Variants in KALRN observed in about 807,000 individuals in gnomAD.
KALRN encodes kalirin.
Under a neutral mutation model 353.7 loss-of-function variants are expected in KALRN, and 70 were observed. That is an observed-to-expected ratio of 0.20 (90% CI 0.16 to 0.24). The LOEUF (loss-of-function observed/expected upper bound fraction) is 0.24, where lower values mean the gene tolerates loss of function less well. KALRN is among the 10% of genes least tolerant of loss of function. The pLI is 1.00. For synonymous variants in KALRN, 1,391 were observed against 1,434.8 expected, an observed-to-expected ratio of 0.97 and a Z score of 0.69; for missense variants, 2,791 against 3,756.7, an observed-to-expected ratio of 0.74 and a Z score of 6.72.
At chr3:124,223,613 A>G (rs1034132453) in intron 1 of KALRN, among the ~76,000 whole-genome samples, 1 of 152,232 alleles carries the variant, frequency 6.6e-6, no homozygotes, top group Non-Finnish European at 1.5e-5. Context: ...AATGCTCTAT[A>G]AACGCCCACT....
intron 12 of KALRN, among the ~76,000 whole-genome samples, chr3:124,397,404 C>T (rs1235233705): frequency 1.3e-5 from 2 of 152,168 alleles, no homozygotes; most frequent in Non-Finnish European, 2.9e-5. Flanking sequence ...ACAGAATGAA[C>T]TCAAATACCA....
At chr3:124,216,359 C>T (rs1399607758) in intron 1 of KALRN, among the ~76,000 whole-genome samples, 1 of 152,182 alleles carries the variant, frequency 6.6e-6, no homozygotes, top group African/African-American at 2.4e-5. Flanking sequence ...TGTAGACTCT[C>T]ACTATGACTG....
intron 25 of KALRN, among the ~76,000 whole-genome samples, chr3:124,466,978 CA>C (rs1199140860): frequency 6.6e-6 from 1 of 152,236 alleles, no homozygotes; most frequent in Non-Finnish European, 1.5e-5. Flanking sequence ...TGAAATAAAT[CA>C]GTTTTCAGCA....
chr3:124,511,813 C>A (rs1224647548), intron 33 of KALRN, among the ~76,000 whole-genome samples: 1 of 152,254 alleles, frequency 6.6e-6, no homozygotes, highest in Non-Finnish European at 1.5e-5. Context: ...AGGTACATTT[C>A]TGACCTCAGG....
At chr3:124,626,911 A>C (rs2149757300) in intron 34 of KALRN, among the ~76,000 whole-genome samples, 1 of 152,354 alleles carries the variant, frequency 6.6e-6, no homozygotes, top group Middle Eastern at 3.4e-3. Context: ...AGTTTCCTAA[A>C]ACAGTCTCAT....
At chr3:124,590,860 A>G (rs2075700649) in intron 34 of KALRN, among the ~76,000 whole-genome samples, 1 of 151,996 alleles carries the variant, frequency 6.6e-6, no homozygotes, top group Admixed American at 6.6e-5. Context: ...AATTCCTCCT[A>G]CTCCTTTTAT....
chr3:124,346,959 G>A (rs2082317991), intron 9 of KALRN, among the ~76,000 whole-genome samples, 184 bp from the exon 10 acceptor site: 2 of 152,182 alleles, frequency 1.3e-5, no homozygotes, highest in African/African-American at 4.8e-5. Flanking sequence ...GTGGGACTAT[G>A]ATATTGCCAA....
chr3:124,398,930 G>A (rs2090509155), intron 13 of KALRN, 59 bp downstream of exon 13: 2 of 1,530,266 alleles, frequency 1.3e-6, no homozygotes, highest in Non-Finnish European at 1.8e-6. Context: ...CTGGCCAAGG[G>A]CACTGCCCCA....
rs147226035 is a variant in KALRN at position 124,106,813 on chromosome 3, A to G, written c.73+73000A>G. Among the ~76,000 whole-genome samples the G allele has an allele frequency of 2.0e-5, 3 of 151,580 alleles. No individual in the cohort carries two copies. The East Asian group carries it at 5.8e-4, about 30-fold the overall frequency. On this transcript the variant is annotated intron_variant, in intron 1 of 59. Coordinates refer to ENST00000682506, the MANE Select transcript of KALRN (RefSeq NM_001388419.1). ...CTTTCCATTATATTCCCCGATATATACCCCTTTACTGTGCTCAGTAGCCTT... is the reference window on the plus strand; with the variant it reads ...CTTTCCATTATATTCCCCGATATATGCCCCTTTACTGTGCTCAGTAGCCTT...
Position 124,700,039 on chromosome 3 carries a change from TCCCAG to T in KALRN, c.7996+15_7996+19del. On this transcript the variant is annotated splice_region_variant and intron_variant, in intron 56 of 59. Transcript: ENST00000682506. The stretch of plus-strand genomic sequence containing the variant: ...TGTGCGACTTCCAGAATATGGTGAG[TCCCAG>T]CCCAGCCCTGGCCCCCCAGGCAGTG... The T allele has an allele frequency of 6.2e-7, 1 of 1,613,470 alleles. No individual in the cohort carries two copies. Among genetic ancestry groups the T allele is most frequent in the Non-Finnish European group, 8.5e-7 (1 of 1,179,860 alleles).
Position 124,446,285 on chromosome 3 carries a change from A to G in KALRN, c.3429+9A>G, listed in dbSNP as rs760279935. ...AGCGCAGCGCTAAGCAGGTTGTCCA[A>G]AGCTTTCCCTGGCACTATCTCAGTT... On this transcript the variant is annotated intron_variant, in intron 20 of 59. Coordinates refer to ENST00000682506, the MANE Select transcript of KALRN (RefSeq NM_001388419.1). 24 of 1,599,282 alleles carry G rather than the reference A, an allele frequency of 1.5e-5. No individual in the cohort carries two copies. Among genetic ancestry groups the G allele is most frequent in the Non-Finnish European group, 2.0e-5 (23 of 1,167,404 alleles).
At chr3:124,122,147 A>G (rs2064098195) in intron 1 of KALRN, among the ~76,000 whole-genome samples, 1 of 152,176 alleles carries the variant, frequency 6.6e-6, no homozygotes, top group South Asian at 2.1e-4. Context: ...CTAAAGAGAA[A>G]GAGAAAAAAT....
intron 1 of KALRN, among the ~76,000 whole-genome samples, chr3:124,121,078 A>C (rs2063963742): frequency 8.4e-6 from 1 of 119,060 alleles, no homozygotes; most frequent in African/African-American, 3.1e-5. Context: ...TGGGCAACAG[A>C]GTGAGACTCC....
At chr3:124,268,638 TG>T in intron 4 of KALRN, 104 bp from the exon 5 acceptor site, 1 of 1,201,110 alleles carries the variant, frequency 8.3e-7, no homozygotes, top group Non-Finnish European at 1.2e-6. Flanking sequence ...AGGCAGGCTG[TG>T]GTCATTATTA....
intron 1 of KALRN, chr3:124,152,451 G>A: frequency 7.7e-7 from 1 of 1,307,056 alleles, no homozygotes. Flanking sequence ...CAGGTACATA[G>A]AAGTTGCCAG....
At chr3:124,127,720 T>A (rs2149663000) in intron 1 of KALRN, among the ~76,000 whole-genome samples, 1 of 152,326 alleles carries the variant, frequency 6.6e-6, no homozygotes, top group South Asian at 2.1e-4. Context: ...ATCTAATTGT[T>A]AGTAAATTAT....
chr3:124,208,311 C>T (rs2076598145), intron 1 of KALRN, among the ~76,000 whole-genome samples: 1 of 152,174 alleles, frequency 6.6e-6, no homozygotes, highest in African/African-American at 2.4e-5. Flanking sequence ...TGACCTTGAG[C>T]TTCAAATGCT....
chr3:124,258,288 C>T (rs1212821323), intron 3 of KALRN, among the ~76,000 whole-genome samples: 1 of 152,194 alleles, frequency 6.6e-6, no homozygotes, highest in South Asian at 2.1e-4. Context: ...TATTCTGGCC[C>T]CAGCACCCCA....
At chr3:124,254,495 C>T (rs1358610753) in intron 3 of KALRN, among the ~76,000 whole-genome samples, 4 of 147,710 alleles carry the variant, frequency 2.7e-5, no homozygotes, top group Admixed American at 2.7e-4. Flanking sequence ...AAACAAGATT[C>T]AAATCCTGAT....
Sources: allele counts gnomAD v4.1 joint callset (sites outside exome capture counted in the v4.1 genomes callset), GRCh38; gene constraint gnomAD v4.1.1; transcripts MANE v1.5; gene names NCBI Gene and HGNC (gene_info 2026-07-23, HGNC 2026-07-21).